ECE1: variants seen among roughly 807,000 people sequenced by gnomAD.
ECE1 encodes the protein endothelin-converting enzyme 1.
In ECE1, 35 loss-of-function variants were observed where a neutral mutation model predicts 98.6. The observed-to-expected ratio is 0.35, with a 90% CI of 0.27 to 0.47. The LOEUF is 0.47. Ranked by LOEUF, ECE1 falls within the 20% of genes least tolerant of loss-of-function variation. The probability of loss-of-function intolerance (pLI) is 1.00; values close to 1 mark genes in which losing one functional copy is unlikely to be tolerated. For synonymous variants in ECE1, 394 were observed against 407.1 expected (o/e 0.97, Z 0.39); for missense variants, 814 against 1,025.3 (o/e 0.79, Z 2.81).
At chr1:21,253,936 G>A (rs1457378525) in intron 8 of ECE1, among the ~76,000 whole-genome samples, 1 of 151,898 alleles carries the variant, frequency 6.6e-6, no homozygotes, top group Admixed American at 6.6e-5. Flanking sequence ...GGGCGTGGTG[G>A]TGCCTGCCTG....
intron 1 of ECE1, among the ~76,000 whole-genome samples, chr1:21,308,953 G>C (rs1638657192): frequency 6.6e-6 from 1 of 152,214 alleles, no homozygotes; most frequent in Non-Finnish European, 1.5e-5. Context: ...CTGAGCCAGA[G>C]CCCATCATTC....
rs544941056 is a variant in ECE1 at position 21,233,170 on chromosome 1, C to T, written c.1670+388G>A. 44 of 192,066 alleles carry T rather than the reference C, an allele frequency of 2.3e-4. No homozygotes were observed. Among genetic ancestry groups the T allele is most frequent in the Middle Eastern group, 4.7e-3 (2 of 428 alleles). 11.9% of individuals were successfully genotyped at this position (192,066 alleles called of 1,614,324 possible). A position where few individuals can be genotyped will look rare whatever the true frequency, so the allele number is the denominator to read the frequency against. ...GCTGGGGCCTCCTTGGGGTCTGGCG[C>T]TCCCCAGAGGTCCTCACATTTGACT... On this transcript the variant is annotated intron_variant, in intron 14 of 18. Transcript: ENST00000374893. This position sits in a 1 kb window ranked among gnomAD's most constrained non-coding sequence, Gnocchi z 4.0.
At chr1:21,230,388 T>C (rs540530182) in intron 14 of ECE1, among the ~76,000 whole-genome samples, 1 of 152,174 alleles carries the variant, frequency 6.6e-6, no homozygotes. Flanking sequence ...AGAATTCTCT[T>C]TTTTTTGAAA....
chr1:21,324,297 C>G (rs1190250040), intron 1 of ECE1, among the ~76,000 whole-genome samples: 1 of 152,196 alleles, frequency 6.6e-6, no homozygotes, highest in Admixed American at 6.5e-5. Context: ...CCACCACACC[C>G]GGGCTCATAT....
At chr1:21,283,692 T>A (rs542736731) in intron 2 of ECE1, among the ~76,000 whole-genome samples, 21 of 152,312 alleles carry the variant, frequency 1.4e-4, no homozygotes, top group African/African-American at 4.3e-4. Context: ...TCTCCAGGAC[T>A]GGCAGCCGCA....
In ECE1 at chr1:21,217,422, T is replaced by C. The variant is rs2098162078; in HGVS notation, c.*2533A>G. 1 of 152,198 alleles carries C rather than the reference T, an allele frequency of 6.6e-6. No individual in the cohort carries two copies. Among genetic ancestry groups the C allele is most frequent in the African/African-American group, 2.4e-5 (1 of 41,410 alleles). 9.4% of individuals were successfully genotyped at this position (152,198 alleles called of 1,614,324 possible). A position where few individuals can be genotyped will look rare whatever the true frequency, so the allele number is the denominator to read the frequency against. Reference sequence around the variant, plus strand: ...GGGGAGGGGTCTCACTTCATTTTCCTTAAAGCTCTGGAGCGGGTAGTGGCA... The same window carrying C: ...GGGGAGGGGTCTCACTTCATTTTCCCTAAAGCTCTGGAGCGGGTAGTGGCA... On this transcript the variant is annotated 3_prime_UTR_variant, in exon 19 of 19. Coordinates refer to ENST00000374893, the MANE Select transcript of ECE1 (RefSeq NM_001397.3).
intron 1 of ECE1, among the ~76,000 whole-genome samples, chr1:21,301,059 G>C (rs575054217): frequency 7.2e-6 from 1 of 138,154 alleles, no homozygotes; most frequent in South Asian, 2.1e-4. Context: ...TGTAGACAAA[G>C]CTGAAGAGGG....
chr1:21,326,012 G>T (rs1318061610), intron 1 of ECE1, among the ~76,000 whole-genome samples: 1 of 152,182 alleles, frequency 6.6e-6, no homozygotes, highest in African/African-American at 2.4e-5. Context: ...CTGTGGGAAG[G>T]GGGCTTTCTT....
Position 21,238,218 on chromosome 1 carries a change from G to T in ECE1, c.1305C>A (p.Cys435Ter), listed in dbSNP as rs576885853. 6.2e-7 allele frequency: 1 copy of T among 1,614,224 alleles called. No homozygotes were observed. Reference sequence around the variant, plus strand: ...CCAGGTTGTTTTCTGTGTCACTCACGCAAAACTTCCAGCGAGGAAGACAGG... The same window carrying T: ...CCAGGTTGTTTTCTGTGTCACTCACTCAAAACTTCCAGCGAGGAAGACAGG... ...KKTCLPRWKF[C>*]VSDTENNLGF... is the part of the protein sequence containing the mutation. Residue 435 changes from cysteine (C) to a stop codon, truncating the protein, a stop_gained, in exon 11 of 19, where the codon TGC becomes TGA. Coordinates refer to ENST00000374893, the MANE Select transcript of ECE1 (RefSeq NM_001397.3). LOFTEE classifies it high-confidence loss of function.
Position 21,345,299 on chromosome 1 carries a change from G to A in ECE1, c.3+77C>T, listed in dbSNP as rs1467560162. The A allele has an allele frequency of 2.3e-6, 3 of 1,317,892 alleles. No individual in the cohort carries two copies. Among genetic ancestry groups the A allele is most frequent in the African/African-American group, 3.1e-5 (2 of 65,240 alleles). The allele number at this position is 1,317,892 out of a possible 1,614,324, so 81.6% of individuals were successfully genotyped here. On this transcript the variant is annotated intron_variant, in intron 1 of 18. Coordinates refer to the ECE1 transcript ENST00000415912. The surrounding 1 kb of genome is among the most constrained non-coding windows in gnomAD (Gnocchi z 5.1). ...CCCCCGCGAGCCAGGGCGGCCCCGG[G>A]TGCCACCCGCGGCACCGCTGCCCGC...
At chr1:21,232,629 C>A (rs2098183217) in intron 14 of ECE1, among the ~76,000 whole-genome samples, 1 of 151,602 alleles carries the variant, frequency 6.6e-6, no homozygotes. Context: ...GGACAAAGAC[C>A]AGGTCTCATT....
At chr1:21,281,582 T>C (rs2098254626) in intron 2 of ECE1, among the ~76,000 whole-genome samples, 1 of 152,242 alleles carries the variant, frequency 6.6e-6, no homozygotes, top group Admixed American at 6.5e-5. Flanking sequence ...CACTGACGTA[T>C]GTGTCCTGCT....
chr1:21,312,945 T>G (rs1638760333), intron 1 of ECE1, among the ~76,000 whole-genome samples: 1 of 152,180 alleles, frequency 6.6e-6, no homozygotes, highest in Admixed American at 6.5e-5. Context: ...CTCATGCAGA[T>G]GTAAGGTAAA....
rs2098265102 is a variant in ECE1, at chr1:21,290,143, T to C, written c.65A>G (p.Lys22Arg). ...GTCCTCCTCGTCCAGCGTGGCCCGCTTGTACGTCGACATCTGCAAGGCCAA... is the reference window on the plus strand; with the variant it reads ...GTCCTCCTCGTCCAGCGTGGCCCGCCTGTACGTCGACATCTGCAAGGCCAA... ...LLSALGMSTY[K>R]RATLDEEDLV... Residue 22 changes from lysine (K) to arginine (R), a missense_variant, in exon 2 of 19, where the codon AAG becomes AGG. Physicochemically the swap from Lys to Arg is conservative, Grantham distance 26. This residue lies in a region of ECE1 where 257 missense variants were observed against 278.9 expected (regional missense o/e 0.92). Transcript: ENST00000374893. The surrounding 1 kb of genome is among the most constrained non-coding windows in gnomAD (Gnocchi z 7.3). 5 of 1,565,252 alleles carry C rather than the reference T, an allele frequency of 3.2e-6. No homozygotes were observed. The highest frequency in any genetic ancestry group is 4.3e-6 in the Non-Finnish European group (5 of 1,157,816).
chr1:21,345,496 G>A lies in ECE1; in HGVS notation c.-118C>T, dbSNP rs939342728. On this transcript the variant is annotated 5_prime_UTR_variant, in exon 1 of 19. Transcript: ENST00000415912. The surrounding 1 kb of genome is among the most constrained non-coding windows in gnomAD (Gnocchi z 5.1). ...GACGGCTCGGCTGCCTGGCCCAGGC[G>A]GCGCGCTCAGCTCCAGCGGGCGAGC... 1.0e-6 allele frequency: 1 copy of A among 1,000,920 alleles called. No individual in the cohort carries two copies. Among genetic ancestry groups the A allele is most frequent in the Non-Finnish European group, 1.3e-6 (1 of 787,054 alleles). The allele number at this position is 1,000,920 out of a possible 1,614,324, so 62.0% of individuals were successfully genotyped here.
At position 21,220,109 on chromosome 1, in the gene ECE1, G is replaced by C. The variant is rs1444877110; in HGVS notation, c.2159C>G (p.Pro720Arg). 6.2e-7 allele frequency: 1 copy of C among 1,613,530 alleles called. No homozygotes were observed. Among genetic ancestry groups the C allele is most frequent in the Non-Finnish European group, 8.5e-7 (1 of 1,179,534 alleles). ...FAQVWCSVRTPESSHEGLITD... is the reference protein window; with the variant it reads ...FAQVWCSVRTRESSHEGLITD... Reference sequence around the variant, plus strand: ...GATGAGGCCTTCGTGGGAGCTCTCAGGTGTGCGGACGGAGCACCAGACCTT... The same window carrying C: ...GATGAGGCCTTCGTGGGAGCTCTCACGTGTGCGGACGGAGCACCAGACCTT... Residue 720 changes from proline to arginine, a missense_variant, in exon 19 of 19, where the codon CCT becomes CGT. By Grantham distance (103) the Pro-to-Arg change is moderately radical. Coordinates refer to ENST00000374893, the MANE Select transcript of ECE1 (RefSeq NM_001397.3). The surrounding 1 kb of genome is among the most constrained non-coding windows in gnomAD (Gnocchi z 5.0).
intron 1 of ECE1, among the ~76,000 whole-genome samples, chr1:21,330,198 A>G (rs1263633998): frequency 7.1e-6 from 1 of 140,024 alleles, no homozygotes; most frequent in Non-Finnish European, 1.5e-5. Flanking sequence ...GGGCCTTTAA[A>G]GGCTCCTGCC....
chr1:21,270,441 G>A (rs922737339), intron 4 of ECE1, among the ~76,000 whole-genome samples: 6 of 152,228 alleles, frequency 3.9e-5, no homozygotes, highest in African/African-American at 9.6e-5. Flanking sequence ...AGGAGGTGGT[G>A]TGGGACAGAG....
At chr1:21,310,751 C>T (rs938589185) in intron 1 of ECE1, among the ~76,000 whole-genome samples, 1 of 152,166 alleles carries the variant, frequency 6.6e-6, no homozygotes, top group African/African-American at 2.4e-5. Context: ...CTCTGGTCAC[C>T]TTGGCTCTCC....
Sources: allele counts gnomAD v4.1 joint callset (sites outside exome capture counted in the v4.1 genomes callset), GRCh38; gene constraint gnomAD v4.1.1; regional missense constraint gnomAD v4.1.1; non-coding constraint Gnocchi (gnomAD v3.1); transcripts MANE v1.5; gene names NCBI Gene and HGNC (gene_info 2026-07-23, HGNC 2026-07-21).